Variants in SNX29 observed in about 807,000 individuals in gnomAD.
The protein encoded by SNX29 is sorting nexin 29.
SNX29 carries 78 observed loss-of-function variants against 102.1 expected under a neutral mutation model. The ratio of observed to expected loss-of-function variants is 0.76; its 90% CI spans 0.64 to 0.92. The LOEUF is 0.92. Among genes scored for constraint, SNX29 ranks in the 40% least tolerant of loss-of-function variants. SNX29 has a pLI of 0.00. For synonymous variants in SNX29, 580 were observed against 414.5 expected, an observed-to-expected ratio of 1.40 and a Z score of -4.85; for missense variants, 1,280 against 1,061.7, an observed-to-expected ratio of 1.21 and a Z score of -2.86.
chr16:12,099,220 T>C (rs1302065515), intron 11 of SNX29, among the ~76,000 whole-genome samples: 3 of 152,134 alleles, frequency 2.0e-5, no homozygotes, highest in African/African-American at 7.2e-5. Context: ...TTGGCTAAAA[T>C]AAAGTAGGTA....
At position 12,024,135 on chromosome 16, in the gene SNX29, CT is replaced by C. The variant is rs561104149; in HGVS notation, c.123-3170del. Among the ~76,000 whole-genome samples, 470 of 141,290 alleles carry C rather than the reference CT, an allele frequency of 3.3e-3. 1 individual carries two copies. The highest frequency in any genetic ancestry group is 0.011 in the Middle Eastern group (3 of 276). 92.7% of individuals were successfully genotyped at this position (141,290 alleles called of 152,430 possible). On this transcript the variant is annotated intron_variant, in intron 3 of 20. Coordinates refer to ENST00000566228, the MANE Select transcript of SNX29 (RefSeq NM_032167.5). ...GGAGGAGGGAATACGTGAGCTAAGT[CT>C]TTTTTTTTTTTTTTCTTTTGAGACT...
intron 14 of SNX29, among the ~76,000 whole-genome samples, chr16:12,209,946 T>A (rs1174541134): frequency 6.6e-6 from 1 of 151,930 alleles, no homozygotes; most frequent in African/African-American, 2.4e-5. Context: ...GAGTGTGGGC[T>A]CTGGAGACGA....
At chr16:12,450,965 C>A (rs1032494115) in intron 18 of SNX29, among the ~76,000 whole-genome samples, 2 of 152,124 alleles carry the variant, frequency 1.3e-5, no homozygotes, top group African/African-American at 4.8e-5. Flanking sequence ...ATGAGCTCCA[C>A]CAAGCAGTTG....
chr16:12,075,981 T>A (rs573122067), intron 10 of SNX29, among the ~76,000 whole-genome samples: 2 of 152,346 alleles, frequency 1.3e-5, no homozygotes, highest in Admixed American at 6.5e-5. Context: ...AGGTGCGGGA[T>A]ATAATCTCCT....
intron 15 of SNX29, among the ~76,000 whole-genome samples, chr16:12,342,812 AC>A (rs1291539821): frequency 6.6e-6 from 1 of 152,130 alleles, no homozygotes; most frequent in African/African-American, 2.4e-5. Context: ...CCAGACCAGT[AC>A]CCCACAGTGC....
chr16:12,484,879 C>G (rs977792538), intron 19 of SNX29, among the ~76,000 whole-genome samples: 1 of 152,190 alleles, frequency 6.6e-6, no homozygotes, highest in Admixed American at 6.5e-5. Flanking sequence ...TCAATATGAT[C>G]TGTCTCTCTG....
At chr16:12,150,158 C>A (rs552929425) in intron 13 of SNX29, among the ~76,000 whole-genome samples, 1 of 151,932 alleles carries the variant, frequency 6.6e-6, no homozygotes, top group Admixed American at 6.6e-5. Context: ...CAGATCTGTT[C>A]GAGGGACAGA....
intron 13 of SNX29, among the ~76,000 whole-genome samples, chr16:12,170,778 T>TGG (rs952585810): frequency 1.3e-5 from 2 of 150,006 alleles, no homozygotes; most frequent in African/African-American, 4.9e-5. Flanking sequence ...TGTGAGTGTG[T>TGG]GTGTGAGAGT....
At chr16:12,177,475 G>A (rs969761068) in intron 13 of SNX29, among the ~76,000 whole-genome samples, 17 of 152,116 alleles carry the variant, frequency 1.1e-4, no homozygotes, top group Admixed American at 9.8e-4. Context: ...TTGTCCCCAC[G>A]TGTGTGTGTT....
Position 12,403,494 on chromosome 16 carries a change from C to A in SNX29, c.2002C>A (p.Arg668=), listed in dbSNP as rs374473805. 5 of 1,608,050 alleles carry A rather than the reference C, an allele frequency of 3.1e-6. No homozygotes were observed. The highest frequency in any genetic ancestry group is 2.7e-5 in the African/African-American group (2 of 74,764). The part of the protein sequence containing the change: ...INVWIPSVFL[R]GKAANAFHVY... ...CGTCTGGATCCCCTCAGTGTTTCTC[C>A]GGGGCAAAGCAGCAAATGCATTCCA... Residue 668 remains arginine (R), a synonymous_variant, in exon 18 of 21, where the codon CGG becomes AGG. Transcript: ENST00000566228.
chr16:12,266,686 G>GAAAAAAA (rs59509183), intron 14 of SNX29, among the ~76,000 whole-genome samples: 52 of 130,918 alleles, frequency 4.0e-4, no homozygotes, highest in Non-Finnish European at 6.6e-4. Context: ...ATCTATTATT[G>GAAAAAAA]AAAAAAAAAA....
At chr16:12,374,862 G>C (rs7187494) in intron 16 of SNX29, 132,978 of 152,206 alleles carry the variant, frequency 0.87, 58,245 homozygotes, top group Middle Eastern at 0.95. Context: ...AGGATTTAAT[G>C]ACATTTGGCT....
At chr16:12,541,219 GAGAGAAGGACTATGGAACCATGTATCAT>G (rs1486471054) in intron 20 of SNX29, among the ~76,000 whole-genome samples, 1 of 152,150 alleles carries the variant, frequency 6.6e-6, no homozygotes, top group Non-Finnish European at 1.5e-5. Flanking sequence ...TTGGTGCATG[GAGAGAAGGACTATGGAACCATGTATCAT>G]ATCTTATCAG....
chr16:12,231,316 G>A (rs2077761939), intron 14 of SNX29, among the ~76,000 whole-genome samples: 1 of 152,178 alleles, frequency 6.6e-6, no homozygotes, highest in African/African-American at 2.4e-5. Context: ...TTCGTTTAAA[G>A]TATTTTCCCT....
intron 19 of SNX29, among the ~76,000 whole-genome samples, chr16:12,482,275 T>TCTTTTTC (rs2087981253): frequency 6.9e-6 from 1 of 145,754 alleles, no homozygotes; most frequent in Non-Finnish European, 1.6e-5. Context: ...TTTTCCTTTT[T>TCTTTTTC]CTTTTTCCTT....
intron 8 of SNX29, among the ~76,000 whole-genome samples, chr16:12,056,031 G>GACCACCA (rs2050507086): frequency 6.6e-6 from 1 of 152,008 alleles, no homozygotes; most frequent in African/African-American, 2.4e-5. Context: ...ACAGGAGTGT[G>GACCACCA]CCACTATACC....
chr16:12,539,088 G>A (rs528417339), intron 20 of SNX29, among the ~76,000 whole-genome samples: 44 of 152,280 alleles, frequency 2.9e-4, no homozygotes, highest in African/African-American at 1.0e-3. Flanking sequence ...TTAATAGATT[G>A]CCCAGAGTCC....
At chr16:12,023,924 T>C (rs1202252152) in intron 3 of SNX29, among the ~76,000 whole-genome samples, 1 of 152,188 alleles carries the variant, frequency 6.6e-6, no homozygotes, top group Non-Finnish European at 1.5e-5. Context: ...GTTCATGATC[T>C]TGAGTTCCCT....
chr16:12,184,224 T>C (rs1379044492), intron 13 of SNX29, among the ~76,000 whole-genome samples: 1 of 152,152 alleles, frequency 6.6e-6, no homozygotes, highest in African/African-American at 2.4e-5. Flanking sequence ...TAACATACGG[T>C]TCATATTCAC....
Sources: gnomAD v4.1 joint callset for allele counts (sites outside exome capture counted in the v4.1 genomes callset) on GRCh38, gnomAD v4.1.1 for gene constraint, MANE v1.5 for transcripts, NCBI Gene and HGNC (gene_info 2026-07-23, HGNC 2026-07-21) for gene names.